Variants in CAMK2B observed in about 807,000 individuals in gnomAD.
CAMK2B encodes the protein calcium/calmodulin-dependent protein kinase type II subunit beta.
A neutral mutation model predicts 93.7 loss-of-function variants in CAMK2B; 27 were observed. That is an observed-to-expected ratio of 0.29 (90% CI 0.21 to 0.40). The LOEUF is 0.40. CAMK2B is among the 10% of genes least tolerant of loss of function. The probability of loss-of-function intolerance (pLI) is 1.00; values close to 1 mark genes in which losing one functional copy is unlikely to be tolerated. For missense variants in CAMK2B, 568 were observed against 895.8 expected, an observed-to-expected ratio of 0.63 and a Z score of 4.67; for synonymous variants, 374 against 358.8, an observed-to-expected ratio of 1.04 and a Z score of -0.48.
intron 2 of CAMK2B, among the ~76,000 whole-genome samples, chr7:44,270,420 C>T (rs769704643): frequency 2.0e-4 from 30 of 152,230 alleles, no homozygotes; most frequent in South Asian, 6.2e-4. Flanking sequence ...CACAGACCAA[C>T]ATCAAGACAG....
At chr7:44,317,314 C>G (rs1795043760) in intron 1 of CAMK2B, among the ~76,000 whole-genome samples, 2 of 151,196 alleles carry the variant, frequency 1.3e-5, no homozygotes, top group African/African-American at 4.9e-5. Flanking sequence ...ACTGTGGTCA[C>G]TGTCACCATG....
In CAMK2B at chr7:44,232,605, A is replaced by G. The variant is rs546229231; in HGVS notation, c.1176+217T>C. On this transcript the variant is annotated intron_variant, in intron 16 of 23. Coordinates refer to ENST00000395749, the MANE Select transcript of CAMK2B (RefSeq NM_001220.5). Reference sequence around the variant, plus strand: ...GTCGGCCACATGGGGACCGGGCGCAACTGTGCCAAGCACCTCCAGGGGCGC... The same window carrying G: ...GTCGGCCACATGGGGACCGGGCGCAGCTGTGCCAAGCACCTCCAGGGGCGC... 8.5e-5 allele frequency among the ~76,000 whole-genome samples: 13 copies of G among 152,338 alleles called. No homozygotes were observed. In the South Asian group the frequency reaches 1.7e-3, roughly 19 times the overall value.
chr7:44,293,422 T>C (rs1044414203), intron 1 of CAMK2B, among the ~76,000 whole-genome samples: 1 of 152,210 alleles, frequency 6.6e-6, no homozygotes, highest in Non-Finnish European at 1.5e-5. Context: ...TCACATGGGT[T>C]AACGTGGTCG....
At position 44,312,397 on chromosome 7, in the gene CAMK2B, G is replaced by A. The variant is rs368955139; in HGVS notation, c.65+12960C>T. Among the ~76,000 whole-genome samples the A allele has an allele frequency of 2.6e-5, 4 of 152,186 alleles. No homozygotes were observed. The highest frequency in any genetic ancestry group is 6.5e-5 in the Admixed American group (1 of 15,278). ...CCTTCAGAGCTAGGGACAAGCCACC[G>A]AGTACCTGGGAGGGCAGGAGAAGGA... On this transcript the variant is annotated intron_variant, in intron 1 of 23. Transcript: ENST00000395749. The surrounding 1 kb of genome is among the most constrained non-coding windows in gnomAD (Gnocchi z 4.1).
intron 2 of CAMK2B, among the ~76,000 whole-genome samples, chr7:44,283,731 C>T (rs1330429235): frequency 6.6e-6 from 1 of 152,246 alleles, no homozygotes; most frequent in Non-Finnish European, 1.5e-5. Context: ...CAGATGACAC[C>T]ACCCAACCAC....
At chr7:44,277,203 A>G (rs2097055569) in intron 2 of CAMK2B, among the ~76,000 whole-genome samples, 1 of 152,136 alleles carries the variant, frequency 6.6e-6, no homozygotes, top group Non-Finnish European at 1.5e-5. Context: ...AGATAACAAC[A>G]AGACATGTTT....
intron 6 of CAMK2B, among the ~76,000 whole-genome samples, chr7:44,244,466 G>T (rs535860876): frequency 6.7e-6 from 1 of 148,682 alleles, no homozygotes; most frequent in Admixed American, 6.7e-5. Context: ...GGCCTTCCTT[G>T]TCCCTGACCA....
intron 1 of CAMK2B, among the ~76,000 whole-genome samples, chr7:44,302,551 A>G (rs1790360016): frequency 6.6e-6 from 1 of 152,202 alleles, no homozygotes; most frequent in South Asian, 2.1e-4. Context: ...AAAGAATTAT[A>G]TATCATGATC....
rs558909635 is a variant in CAMK2B at position 44,298,604 on chromosome 7, A to C, written c.66-14379T>G. 6.6e-5 allele frequency among the ~76,000 whole-genome samples: 10 copies of C among 152,380 alleles called. No individual in the cohort carries two copies. The East Asian group carries it at 1.9e-3, about 29-fold the overall frequency. On this transcript the variant is annotated intron_variant, in intron 1 of 23. Coordinates refer to ENST00000395749, the MANE Select transcript of CAMK2B (RefSeq NM_001220.5). ...TCAAGAGAATGAAAAGACAACCCAC[A>C]GAATTGGATAAAATATTTGCAATTC...
At chr7:44,314,921 G>A (rs534259441) in intron 1 of CAMK2B, among the ~76,000 whole-genome samples, 5 of 152,136 alleles carry the variant, frequency 3.3e-5, no homozygotes, top group Non-Finnish European at 7.4e-5. Context: ...TTTTAATTAG[G>A]TTGTTTCTTC....
chr7:44,231,125 G>A (rs1050175335), intron 16 of CAMK2B, 71 bp from the exon 17 acceptor site: 13 of 1,188,212 alleles, frequency 1.1e-5, no homozygotes, highest in Admixed American at 6.2e-5. Context: ...AGGGCAGGTG[G>A]ACAGGGCTGG....
At chr7:44,244,199 G>A (rs1049540754) in intron 6 of CAMK2B, among the ~76,000 whole-genome samples, 3 of 152,172 alleles carry the variant, frequency 2.0e-5, no homozygotes, top group Admixed American at 6.5e-5. Context: ...CCCCCTGCCC[G>A]CTGGGTATCC....
chr7:44,235,374 G>A (rs2096615864), intron 13 of CAMK2B, among the ~76,000 whole-genome samples: 2 of 152,238 alleles, frequency 1.3e-5, no homozygotes, highest in African/African-American at 4.8e-5. Flanking sequence ...GAGGATACTT[G>A]GTCCCAGCAG....
Position 44,286,896 on chromosome 7 carries a change from G to A in CAMK2B, c.66-2671C>T, listed in dbSNP as rs968254726. On this transcript the variant is annotated intron_variant, in intron 1 of 23. Coordinates refer to ENST00000395749, the MANE Select transcript of CAMK2B (RefSeq NM_001220.5). This position sits in a 1 kb window ranked among gnomAD's most constrained non-coding sequence, Gnocchi z 4.0. Reference sequence around the variant, plus strand: ...GGGAGCACCAGGCCGCACAGCTGTAGTGACATAGGATGTGGCAGGCACAGT... The same window carrying A: ...GGGAGCACCAGGCCGCACAGCTGTAATGACATAGGATGTGGCAGGCACAGT... Among the ~76,000 whole-genome samples, 12 of 152,122 alleles carry A rather than the reference G, an allele frequency of 7.9e-5. No individual in the cohort carries two copies. The highest frequency in any genetic ancestry group is 5.9e-4 in the Admixed American group (9 of 15,290).
intron 11 of CAMK2B, among the ~76,000 whole-genome samples, chr7:44,241,130 G>C (rs2096673994): frequency 2.0e-5 from 3 of 152,150 alleles, no homozygotes; most frequent in African/African-American, 4.8e-5. Context: ...GGCTTCCGGG[G>C]AGAACTGCTC....
At chr7:44,305,962 G>A (rs1791364116) in intron 1 of CAMK2B, among the ~76,000 whole-genome samples, 1 of 151,978 alleles carries the variant, frequency 6.6e-6, no homozygotes, top group South Asian at 2.1e-4. Flanking sequence ...CCACCCCTCT[G>A]TTAAACATTG....
In CAMK2B at chr7:44,220,211, C is replaced by T. The variant is rs1233579662; in HGVS notation, c.1852G>A (p.Ala618Thr). ...HVIGEDAACI[A>T]YIRLTQYIDG... is the part of the protein sequence containing the mutation. ...ATGTACTGCGTGAGCCGGATGTAAG[C>T]GATGCAGGCGGCATCCTCTCCAATG... Residue 618 changes from alanine to threonine, a missense_variant, in exon 23 of 24, where the codon GCT becomes ACT. Physicochemically the swap from Ala to Thr is moderately conservative, Grantham distance 58 (BLOSUM62 0). Around this residue, in one of 4 missense-constraint regions of CAMK2B, gnomAD observed 116 missense variants for 188.0 expected, o/e 0.62. Transcript: ENST00000395749. 3.7e-6 allele frequency: 6 copies of T among 1,613,328 alleles called. No homozygotes were observed. The highest frequency in any genetic ancestry group is 4.2e-6 in the Non-Finnish European group (5 of 1,180,026).
At chr7:44,245,488 T>C (rs1252902017) in intron 6 of CAMK2B, among the ~76,000 whole-genome samples, 2 of 152,184 alleles carry the variant, frequency 1.3e-5, no homozygotes, top group Non-Finnish European at 2.9e-5. Flanking sequence ...TCTACTTCTA[T>C]GCCTTGGCTC....
At chr7:44,278,392 G>C (rs116582961) in intron 2 of CAMK2B, among the ~76,000 whole-genome samples, 33 of 152,300 alleles carry the variant, frequency 2.2e-4, no homozygotes, top group African/African-American at 7.5e-4. Flanking sequence ...ACCTGGCCAC[G>C]GTCAGACAGC....
Sources: allele counts gnomAD v4.1 joint callset (sites outside exome capture counted in the v4.1 genomes callset), GRCh38; gene constraint gnomAD v4.1.1; regional missense constraint gnomAD v4.1.1; non-coding constraint Gnocchi (gnomAD v3.1); transcripts MANE v1.5; gene names NCBI Gene and HGNC (gene_info 2026-07-23, HGNC 2026-07-21).